ST7L: variants seen among roughly 807,000 people sequenced by gnomAD.
The protein encoded by ST7L is suppression of tumorigenicity 7 like, also known as suppressor of tumorigenicity 7 protein-like.
In ST7L, 57 loss-of-function variants were observed where a neutral mutation model predicts 72.5. The ratio of observed to expected loss-of-function variants is 0.79; its 90% confidence interval spans 0.64 to 0.98. The LOEUF (loss-of-function observed/expected upper bound fraction) is 0.98. ST7L is among the 50% of genes least tolerant of loss of function. ST7L has a pLI of 0.00. For synonymous variants in ST7L, 221 were observed against 240.9 expected (o/e 0.92, Z 0.77); for missense variants, 576 against 672.2 (o/e 0.86, Z 1.58).
chr1:112,550,569 T>C, intron 13 of ST7L, 32 bp downstream of exon 13: 3 of 1,504,806 alleles, frequency 2.0e-6, no homozygotes, highest in Non-Finnish European at 2.8e-6. Context: ...CTTACTACTT[T>C]TAAGTTTAAG....
chr1:112,529,751 TAAAAAAAAAAA>T (rs78844605), intron 14 of ST7L: 5 of 98,990 alleles, frequency 5.1e-5, no homozygotes, highest in African/African-American at 1.9e-4. Flanking sequence ...AGATAAAAGT[TAAAAAAAAAAA>T]AAAAAAAAAA....
Position 112,616,907 on chromosome 1 carries a change from AC to A in ST7L, c.206-13del. On this transcript the variant is annotated splice_polypyrimidine_tract_variant and intron_variant, in intron 1 of 14. Transcript: ENST00000358039. ...TAAAAATACAGTCACTGTCAAAAGA[AC>A]AAGAATCAAAGTTTTAAAAAATGCA... is the stretch of plus-strand genomic sequence containing the variant. The A allele has an allele frequency of 2.5e-6, 4 of 1,584,748 alleles. No homozygotes were observed. The highest frequency in any genetic ancestry group is 3.4e-6 in the Non-Finnish European group (4 of 1,166,876).
chr1:112,591,494 T>C, intron 6 of ST7L, 31 bp downstream of exon 6: 2 of 1,583,580 alleles, frequency 1.3e-6, no homozygotes, highest in Middle Eastern at 2.3e-4. Flanking sequence ...TCCTTCAAAA[T>C]AAATTTATTT....
intron 14 of ST7L, chr1:112,540,505 C>T (rs1655934586): frequency 1.0e-6 from 1 of 985,306 alleles, no homozygotes; most frequent in African/African-American, 1.7e-5. Context: ...AATAGCTATA[C>T]TCCCTGAACA....
intron 14 of ST7L, chr1:112,528,988 A>C (rs1653918559): frequency 6.6e-6 from 1 of 152,202 alleles, no homozygotes; most frequent in South Asian, 2.1e-4. Context: ...GCATTTGCTA[A>C]AGGTAAAAAT....
At chr1:112,571,094 C>T (rs564449237) in intron 11 of ST7L, among the ~76,000 whole-genome samples, 11 of 152,196 alleles carry the variant, frequency 7.2e-5, no homozygotes, top group African/African-American at 2.4e-4. Flanking sequence ...CGCTTGAACC[C>T]GGGAGGTGAA....
chr1:112,540,792 GT>G (rs917728400), intron 14 of ST7L: 58 of 1,284,642 alleles, frequency 4.5e-5, no homozygotes, highest in Non-Finnish European at 5.8e-5. Flanking sequence ...GTAAGGACTA[GT>G]TTTTCCATGG....
chr1:112,540,463 G>A, intron 14 of ST7L: 2 of 985,374 alleles, frequency 2.0e-6, no homozygotes, highest in Admixed American at 6.1e-5. Context: ...ATTTTACACT[G>A]AAAAGAAATA....
intron 9 of ST7L, among the ~76,000 whole-genome samples, chr1:112,578,886 G>C: frequency 6.6e-6 from 1 of 152,148 alleles, no homozygotes; most frequent in East Asian, 1.9e-4. Context: ...CTATAATATA[G>C]TAGGAAAAAC....
At chr1:112,531,524 T>G (rs1345344916) in intron 14 of ST7L, among the ~76,000 whole-genome samples, 1 of 152,192 alleles carries the variant, frequency 6.6e-6, no homozygotes, top group East Asian at 1.9e-4. Flanking sequence ...AATCTATTAG[T>G]CTAGACTGAC....
chr1:112,568,351 TTG>T (rs1216349378), intron 11 of ST7L, among the ~76,000 whole-genome samples: 3 of 150,224 alleles, frequency 2.0e-5, no homozygotes, highest in Admixed American at 2.0e-4. Flanking sequence ...TTTTTTTTTT[TTG>T]TGAGACGGAG....
intron 14 of ST7L, among the ~76,000 whole-genome samples, chr1:112,538,110 A>C (rs1655500289): frequency 6.6e-6 from 1 of 152,230 alleles, no homozygotes; most frequent in South Asian, 2.1e-4. Flanking sequence ...AAAGAAATTT[A>C]GGAAATTTTT....
At chr1:112,535,749 A>G (rs1240649425) in intron 14 of ST7L, among the ~76,000 whole-genome samples, 1 of 151,896 alleles carries the variant, frequency 6.6e-6, no homozygotes, top group African/African-American at 2.4e-5. Context: ...ACATTTTCCT[A>G]ACTTTTATTA....
rs1272094551 is a variant in ST7L, at chr1:112,523,973, A to C, written c.*2040T>G. The C allele has an allele frequency of 6.6e-6, 1 of 152,014 alleles. No individual in the cohort carries two copies. Among genetic ancestry groups the C allele is most frequent in the Non-Finnish European group, 1.5e-5 (1 of 68,012 alleles). The allele number at this position is 152,014 out of a possible 1,614,324, so 9.4% of individuals were successfully genotyped here. A position where few individuals can be genotyped will look rare whatever the true frequency, so the allele number is the denominator to read the frequency against. On this transcript the variant is annotated 3_prime_UTR_variant, in exon 15 of 15. Coordinates refer to ENST00000358039, the MANE Select transcript of ST7L (RefSeq NM_017744.5). ...ACACTCTTCCTTAGAGTGATGCTGG[A>C]AAAATAAAATCAGGGGCTTCAGATT... is the stretch of plus-strand genomic sequence containing the variant.
At chr1:112,568,913 C>A in intron 11 of ST7L, among the ~76,000 whole-genome samples, 1 of 139,068 alleles carries the variant, frequency 7.2e-6, no homozygotes, top group African/African-American at 2.7e-5. Context: ...AAATATGCAA[C>A]TTGAACATAT....
chr1:112,526,307 A>C, intron 14 of ST7L, 196 bp from the exon 15 acceptor site: 2 of 552,642 alleles, frequency 3.6e-6, no homozygotes. Flanking sequence ...TCCACATTTA[A>C]ACAACTCTGG....
chr1:112,550,745 C>A, intron 12 of ST7L, 52 bp from the exon 13 acceptor site: 1 of 1,431,350 alleles, frequency 7.0e-7, no homozygotes. Flanking sequence ...ATTTACCATC[C>A]TATATTTGGA....
At chr1:112,561,243 A>G (rs570245171) in intron 11 of ST7L, among the ~76,000 whole-genome samples, 2 of 151,722 alleles carry the variant, frequency 1.3e-5, no homozygotes, top group East Asian at 3.9e-4. Flanking sequence ...AGAGCTAAGT[A>G]GTAGAAAATA....
intron 13 of ST7L, among the ~76,000 whole-genome samples, chr1:112,543,052 G>C (rs763380488): frequency 2.0e-5 from 3 of 151,880 alleles, no homozygotes; most frequent in Non-Finnish European, 2.9e-5. Context: ...CGTCCACCTC[G>C]GCCTCCCAAA....
Sources: allele counts gnomAD v4.1 joint callset (sites outside exome capture counted in the v4.1 genomes callset), GRCh38; gene constraint gnomAD v4.1.1; transcripts MANE v1.5; gene names NCBI Gene and HGNC (gene_info 2026-07-23, HGNC 2026-07-21).